CNTN4: variants seen among roughly 807,000 people sequenced by gnomAD.
CNTN4 encodes the protein contactin 4.
Under a neutral mutation model 122.5 loss-of-function variants are expected in CNTN4, and 77 were observed. That is an observed-to-expected ratio of 0.63 (90% CI 0.52 to 0.76). The LOEUF is 0.76. CNTN4 is among the 30% of genes least tolerant of loss of function. The pLI, the probability that CNTN4 is intolerant of heterozygous loss-of-function variation, is 0.00. For synonymous variants in CNTN4, 512 were observed against 447.0 expected (o/e 1.15, Z -1.83); for missense variants, 1,256 against 1,259.1 (o/e 1.00, Z 0.04).
chr3:2,755,686 G>C (rs2090303608), intron 6 of CNTN4, among the ~76,000 whole-genome samples: 1 of 152,042 alleles, frequency 6.6e-6, no homozygotes, highest in Non-Finnish European at 1.5e-5. Flanking sequence ...GTCCAGTTTG[G>C]GGACTGATAA....
intron 3 of CNTN4, among the ~76,000 whole-genome samples, chr3:2,424,192 T>C: frequency 6.7e-6 from 1 of 149,336 alleles, no homozygotes; most frequent in African/African-American, 2.5e-5. Flanking sequence ...ATTAGGTATG[T>C]TTCCTAATGC....
At chr3:2,199,537 A>G (rs1210086766) in intron 2 of CNTN4, among the ~76,000 whole-genome samples, 1 of 152,224 alleles carries the variant, frequency 6.6e-6, no homozygotes, top group Non-Finnish European at 1.5e-5. Context: ...GAGTACAGGG[A>G]GTCATTGAAT....
intron 13 of CNTN4, among the ~76,000 whole-genome samples, chr3:2,972,514 G>C (rs932301641): frequency 6.6e-6 from 1 of 152,122 alleles, no homozygotes; most frequent in Admixed American, 6.5e-5. Flanking sequence ...TGATTATAGG[G>C]ATCCAATTTG....
intron 2 of CNTN4, among the ~76,000 whole-genome samples, chr3:2,259,824 A>G (rs1575195937): frequency 6.6e-6 from 1 of 152,194 alleles, no homozygotes; most frequent in Admixed American, 6.5e-5. Flanking sequence ...GTGAGTGAGC[A>G]TCAGACCTGG....
intron 4 of CNTN4, among the ~76,000 whole-genome samples, chr3:2,618,194 C>T (rs1455375676): frequency 1.3e-5 from 2 of 151,876 alleles, no homozygotes; most frequent in African/African-American, 4.8e-5. Flanking sequence ...GAAAACAGTT[C>T]TTAGAACAAT....
intron 10 of CNTN4, among the ~76,000 whole-genome samples, chr3:2,893,463 A>G (rs1027664795): frequency 1.1e-4 from 17 of 152,208 alleles, no homozygotes; most frequent in African/African-American, 4.1e-4. Context: ...CCTAGACAGA[A>G]CTGATATTGA....
chr3:2,262,450 T>C (rs1450508045), intron 2 of CNTN4: 1 of 152,152 alleles, frequency 6.6e-6, no homozygotes, highest in Non-Finnish European at 1.5e-5. Flanking sequence ...ACAGTCCATG[T>C]AGGTTCTCAC....
At chr3:2,618,598 C>G (rs1314229238) in intron 4 of CNTN4, among the ~76,000 whole-genome samples, 2 of 152,062 alleles carry the variant, frequency 1.3e-5, no homozygotes, top group Non-Finnish European at 2.9e-5. Flanking sequence ...ATAAATTAAA[C>G]AGTTTGCTCA....
chr3:2,306,437 G>A (rs1666347), intron 2 of CNTN4, among the ~76,000 whole-genome samples: 1 of 151,748 alleles, frequency 6.6e-6, no homozygotes, highest in Non-Finnish European at 1.5e-5. Flanking sequence ...GGACAGTTGT[G>A]TATCATCTTT....
At chr3:2,818,745 C>G (rs1559539015) in intron 6 of CNTN4, among the ~76,000 whole-genome samples, 1 of 152,164 alleles carries the variant, frequency 6.6e-6, no homozygotes, top group Non-Finnish European at 1.5e-5. Flanking sequence ...AATGTCTTAT[C>G]TCTCTAACCA....
At chr3:2,346,769 C>G (rs902688546) in intron 3 of CNTN4, among the ~76,000 whole-genome samples, 1 of 152,118 alleles carries the variant, frequency 6.6e-6, no homozygotes, top group Non-Finnish European at 1.5e-5. Flanking sequence ...ATATTTCTTA[C>G]ATTTGGAGTT....
chr3:2,603,963 A>T (rs1257287788), intron 4 of CNTN4, among the ~76,000 whole-genome samples: 1 of 152,194 alleles, frequency 6.6e-6, no homozygotes, highest in African/African-American at 2.4e-5. Flanking sequence ...CCCACGGGTC[A>T]TTCAGAGACC....
intron 2 of CNTN4, among the ~76,000 whole-genome samples, chr3:2,120,273 A>G (rs2033633674): frequency 2.0e-5 from 3 of 149,548 alleles, no homozygotes; most frequent in South Asian, 4.2e-4. Context: ...TAAAGGAGAA[A>G]CATTAGTTTC....
chr3:2,201,709 G>C (rs1191578332), intron 2 of CNTN4, among the ~76,000 whole-genome samples: 1 of 152,080 alleles, frequency 6.6e-6, no homozygotes, highest in Admixed American at 6.5e-5. Context: ...AAAGCCTTGA[G>C]AATCCTTCAG....
chr3:2,586,374 C>G (rs1467174194), intron 4 of CNTN4, among the ~76,000 whole-genome samples: 2 of 152,238 alleles, frequency 1.3e-5, no homozygotes, highest in East Asian at 3.8e-4. Context: ...CTCACTGCAA[C>G]TTCTGCCTCC....
rs984815220 is a variant in CNTN4 at position 3,046,422 on chromosome 3, C to T, written c.2811+2718C>T. 1.3e-5 allele frequency among the ~76,000 whole-genome samples: 2 copies of T among 152,176 alleles called. 1 individual carries two copies. The highest frequency in any genetic ancestry group is 2.9e-5 in the Non-Finnish European group (2 of 68,034). On this transcript the variant is annotated intron_variant, in intron 23 of 24. Coordinates refer to ENST00000418658, the MANE Select transcript of CNTN4 (RefSeq NM_175607.3). ...AAAGGGAAGCCCATCAGACTAATAG[C>T]GGATCTCTTGGCAGAAACTCTACAA...
intron 4 of CNTN4, among the ~76,000 whole-genome samples, chr3:2,620,031 C>T (rs2081935191): frequency 6.6e-6 from 1 of 151,962 alleles, no homozygotes; most frequent in Non-Finnish European, 1.5e-5. Context: ...GTAATATACT[C>T]TGTCCCAGTC....
At chr3:2,546,369 ATGGAGC>A (rs1418518085) in intron 3 of CNTN4, among the ~76,000 whole-genome samples, 2 of 151,890 alleles carry the variant, frequency 1.3e-5, no homozygotes, top group Non-Finnish European at 2.9e-5. Context: ...AGCAACATGG[ATGGAGC>A]TGGAGGCCAT....
At chr3:2,582,650 A>G (rs1436527228) in intron 4 of CNTN4, among the ~76,000 whole-genome samples, 2 of 152,168 alleles carry the variant, frequency 1.3e-5, no homozygotes, top group Non-Finnish European at 2.9e-5. Context: ...GAGCAGGGAG[A>G]CTTAAGACTT....
Sources: gnomAD v4.1 joint callset for allele counts (sites outside exome capture counted in the v4.1 genomes callset) on GRCh38, gnomAD v4.1.1 for gene constraint, MANE v1.5 for transcripts, NCBI Gene and HGNC (gene_info 2026-07-23, HGNC 2026-07-21) for gene names.